PPP1R17: variants seen among roughly 807,000 people sequenced by gnomAD.
The protein encoded by PPP1R17 is protein phosphatase 1 regulatory subunit 17, also known as G-substrate.
Under a neutral mutation model 15.9 loss-of-function variants are expected in PPP1R17, and 12 were observed. That is an observed-to-expected ratio of 0.75 (90% CI 0.48 to 1.22). The LOEUF (loss-of-function observed/expected upper bound fraction) is 1.22. Among genes scored for constraint, PPP1R17 ranks in the 50% most tolerant of loss-of-function variants. PPP1R17 has a pLI of 0.00. For missense variants in PPP1R17, 211 were observed against 187.3 expected (o/e 1.13, Z -0.74); for synonymous variants, 63 against 64.5 (o/e 0.98, Z 0.11).
At chr7:31,697,590 C>G (rs980214014) in intron 4 of PPP1R17, among the ~76,000 whole-genome samples, 2 of 152,164 alleles carry the variant, frequency 1.3e-5, no homozygotes, top group Non-Finnish European at 2.9e-5. Flanking sequence ...GAACTATGAG[C>G]ACAGCCCCAG....
chr7:31,689,335 C>A (rs1469579426), intron 1 of PPP1R17, among the ~76,000 whole-genome samples: 1 of 152,144 alleles, frequency 6.6e-6, no homozygotes, highest in African/African-American at 2.4e-5. Flanking sequence ...GAGGCCCTAG[C>A]TTTTTGGTTG....
intron 1 of PPP1R17, among the ~76,000 whole-genome samples, chr7:31,690,347 G>T (rs964441625): frequency 6.6e-6 from 1 of 152,282 alleles, no homozygotes; most frequent in Admixed American, 6.5e-5. Flanking sequence ...CCACCCAGTA[G>T]GTATTATTAT....
chr7:31,704,966 T>C (rs2299909), intron 4 of PPP1R17, among the ~76,000 whole-genome samples: 16,093 of 152,260 alleles, frequency 0.11, 1,000 homozygotes, highest in East Asian at 0.24. Flanking sequence ...TAGATACTCC[T>C]GACTTAAGGC....
chr7:31,693,039 C>T lies in PPP1R17; in HGVS notation c.82+516C>T, dbSNP rs552226376. Among the ~76,000 whole-genome samples the T allele has an allele frequency of 8.5e-5, 13 of 152,094 alleles. No homozygotes were observed. The South Asian group carries it at 1.0e-3, about 12-fold the overall frequency. On this transcript the variant is annotated intron_variant, in intron 2 of 4. Transcript: ENST00000342032. ...ATGAAAATACCAGAAACATTTCTGC[C>T]GCTACCCATTTCTAAAAATGAGACA...
At position 31,692,445 on chromosome 7, in the gene PPP1R17, A is replaced by G. The variant is rs1792396926; in HGVS notation, c.4A>G (p.Met2Val). 2.5e-6 allele frequency: 4 copies of G among 1,607,950 alleles called. No individual in the cohort carries two copies. The South Asian group carries it at 3.3e-5, about 13-fold the overall frequency. M[M>V]STEQMQPLEL... is the part of the protein sequence containing the mutation. ...TACATCCACCCACCCTCCTTTGATG[A>G]TGTCCACTGAGCAAATGCAGCCACT... The change falls in exon 2 of 5, where the codon ATG becomes GTG. Residue 2 changes from methionine to valine, a missense_variant. Transcript: ENST00000342032.
Position 31,707,184 on chromosome 7 carries a change from G to A in PPP1R17, c.389-20G>A, listed in dbSNP as rs999977203. The A allele has an allele frequency of 1.9e-6, 3 of 1,609,398 alleles. No individual in the cohort carries two copies. The highest frequency in any genetic ancestry group is 1.3e-5 in the African/African-American group (1 of 74,934). On this transcript the variant is annotated intron_variant, in intron 4 of 4. Coordinates refer to ENST00000342032, the MANE Select transcript of PPP1R17 (RefSeq NM_006658.5). ...TTTAATTAGAGGTACTTAATTGCAG[G>A]TCTGTGCTTTGTTTTGCAGGTGTGA...
chr7:31,692,603 C>G, intron 2 of PPP1R17, 80 bp downstream of exon 2: 1 of 1,364,078 alleles, frequency 7.3e-7, no homozygotes, highest in Non-Finnish European at 1.0e-6. Flanking sequence ...GCAGGCAAGT[C>G]AGAGAGAGGG....
chr7:31,687,490 G>A (rs976099096), intron 1 of PPP1R17, among the ~76,000 whole-genome samples, 184 bp downstream of exon 1: 6 of 152,144 alleles, frequency 3.9e-5, no homozygotes, highest in Non-Finnish European at 8.8e-5. Context: ...TCCAAGGGAG[G>A]GAATGGAGTT....
At chr7:31,706,610 G>A (rs1793080664) in intron 4 of PPP1R17, among the ~76,000 whole-genome samples, 1 of 152,260 alleles carries the variant, frequency 6.6e-6, no homozygotes, top group African/African-American at 2.4e-5. Flanking sequence ...TCCAGAGCCT[G>A]AGCTCAATAT....
chr7:31,699,825 T>C (rs1031508447), intron 4 of PPP1R17, among the ~76,000 whole-genome samples: 1 of 152,170 alleles, frequency 6.6e-6, no homozygotes, highest in African/African-American at 2.4e-5. Flanking sequence ...TATGGTGATC[T>C]GTGATCAGTG....
intron 2 of PPP1R17, 101 bp downstream of exon 2, chr7:31,692,624 A>C: frequency 9.2e-7 from 1 of 1,086,330 alleles, no homozygotes; most frequent in Non-Finnish European, 1.4e-6. Context: ...CACCCCCCGA[A>C]ACCTGATAGT....
intron 4 of PPP1R17, among the ~76,000 whole-genome samples, chr7:31,698,032 A>C (rs968669275): frequency 3.9e-5 from 6 of 152,200 alleles, no homozygotes; most frequent in African/African-American, 1.4e-4. Flanking sequence ...AAACACTAAA[A>C]TGTGGCAGAA....
chr7:31,690,876 T>A (rs972394455), intron 1 of PPP1R17, among the ~76,000 whole-genome samples: 1 of 152,222 alleles, frequency 6.6e-6, no homozygotes, highest in African/African-American at 2.4e-5. Flanking sequence ...ATGAATATTT[T>A]CAACAGATCC....
At chr7:31,700,239 A>T (rs115691150) in intron 4 of PPP1R17, among the ~76,000 whole-genome samples, 4,328 of 152,320 alleles carry the variant, frequency 0.028, 101 homozygotes, top group Middle Eastern at 0.041. Flanking sequence ...GTTCTACTCC[A>T]GTGAACACAG....
chr7:31,695,832 T>C (rs1792556083), intron 3 of PPP1R17: 1 of 405,900 alleles, frequency 2.5e-6, no homozygotes, highest in Admixed American at 4.4e-5. Context: ...AAAGTTTATT[T>C]TTTTTACCTA....
At chr7:31,696,810 A>G (rs1315099946) in intron 3 of PPP1R17, among the ~76,000 whole-genome samples, 155 bp from the exon 4 acceptor site, 1 of 152,216 alleles carries the variant, frequency 6.6e-6, no homozygotes, top group East Asian at 1.9e-4. Flanking sequence ...CTCAATAAAT[A>G]CTAATGCTTC....
rs1792407380 is a variant in PPP1R17 at position 31,692,646 on chromosome 7, G to T, written c.82+123G>T. On this transcript the variant is annotated intron_variant, in intron 2 of 4. Coordinates refer to ENST00000342032, the MANE Select transcript of PPP1R17 (RefSeq NM_006658.5). ...CGAAACCTGATAGTCTGTGCCTTCT[G>T]GTGACAGCCAACACCAGATGGGCAG... 7.1e-6 allele frequency: 6 copies of T among 847,618 alleles called. No homozygotes were observed. In the East Asian group the frequency reaches 7.8e-5, roughly 11 times the overall value. The allele number at this position is 847,618 out of a possible 1,614,324, so 52.5% of individuals were successfully genotyped here.
In PPP1R17 at chr7:31,701,681, T is replaced by C. The variant is rs540015396; in HGVS notation, c.388+4564T>C. Among the ~76,000 whole-genome samples the C allele has an allele frequency of 2.6e-5, 4 of 152,328 alleles. No individual in the cohort carries two copies. The East Asian group carries it at 7.7e-4, about 29-fold the overall frequency. ...ATCAATGCAGAAAACTTCACTGTCA[T>C]CTTGAGAGATTGCCACAGCCACCTA... On this transcript the variant is annotated intron_variant, in intron 4 of 4. Transcript: ENST00000342032.
At chr7:31,689,369 A>G (rs1792240479) in intron 1 of PPP1R17, among the ~76,000 whole-genome samples, 1 of 152,222 alleles carries the variant, frequency 6.6e-6, no homozygotes, top group Admixed American at 6.5e-5. Flanking sequence ...CAGAGGACCA[A>G]CTATGCAGGC....
Sources: gnomAD v4.1 joint callset for allele counts (sites outside exome capture counted in the v4.1 genomes callset) on GRCh38, gnomAD v4.1.1 for gene constraint, MANE v1.5 for transcripts, NCBI Gene and HGNC (gene_info 2026-07-23, HGNC 2026-07-21) for gene names.